Variants in KAZN observed in about 807,000 individuals in gnomAD.
KAZN encodes kazrin, periplakin interacting protein, also known as kazrin.
KAZN carries 40 observed loss-of-function variants against 87.4 expected under a neutral mutation model. The observed-to-expected ratio is 0.46, with a 90% CI of 0.36 to 0.60. KAZN has a LOEUF of 0.60. Among genes scored for constraint, KAZN ranks in the 20% least tolerant of loss-of-function variants. The pLI is 0.00. For missense variants in KAZN, 898 were observed against 1,073.9 expected (o/e 0.84, Z 2.29); for synonymous variants, 466 against 458.3 (o/e 1.02, Z -0.22).
intron 1 of KAZN, among the ~76,000 whole-genome samples, chr1:14,950,917 A>T (rs1171775719): frequency 6.6e-6 from 1 of 152,156 alleles, no homozygotes; most frequent in Non-Finnish European, 1.5e-5. Flanking sequence ...TGAGTCTGGC[A>T]GCAGTACCCA....
intron 2 of KAZN, among the ~76,000 whole-genome samples, chr1:14,399,199 T>C (rs972179310): frequency 2.6e-5 from 4 of 152,034 alleles, no homozygotes; most frequent in African/African-American, 9.7e-5. Context: ...TTATTTTTAG[T>C]GGAGATGAGG....
chr1:14,439,419 C>T (rs879939842), intron 2 of KAZN, among the ~76,000 whole-genome samples: 5 of 152,124 alleles, frequency 3.3e-5, no homozygotes, highest in Non-Finnish European at 5.9e-5. Flanking sequence ...GGAGTTTTTA[C>T]CTACTTAGAC....
chr1:14,233,956 G>A (rs1013861720), intron 2 of KAZN, among the ~76,000 whole-genome samples: 1 of 152,218 alleles, frequency 6.6e-6, no homozygotes, highest in Non-Finnish European at 1.5e-5. Flanking sequence ...TAGTAGGAGT[G>A]TAAATTAGTT....
chr1:14,192,880 G>A (rs1646449980), intron 2 of KAZN, among the ~76,000 whole-genome samples: 1 of 152,132 alleles, frequency 6.6e-6, no homozygotes, highest in African/African-American at 2.4e-5. Flanking sequence ...TGGACATTGG[G>A]TCTTTACAGA....
chr1:14,920,608 A>G (rs1330613512), intron 1 of KAZN, among the ~76,000 whole-genome samples: 1 of 152,138 alleles, frequency 6.6e-6, no homozygotes, highest in African/African-American at 2.4e-5. Context: ...GGGTCTGGGA[A>G]GGTCTCCTGG....
intron 2 of KAZN, among the ~76,000 whole-genome samples, chr1:14,331,287 C>T (rs1292899398): frequency 6.6e-6 from 1 of 152,132 alleles, no homozygotes; most frequent in Non-Finnish European, 1.5e-5. Flanking sequence ...ATAGCCCACC[C>T]CTAGGCTGTG....
intron 1 of KAZN, among the ~76,000 whole-genome samples, chr1:14,121,246 T>C (rs1644745661): frequency 6.6e-6 from 1 of 152,106 alleles, no homozygotes; most frequent in Non-Finnish European, 1.5e-5. Flanking sequence ...CAGGGAAAGG[T>C]GTGATATGCA....
At chr1:14,812,236 C>T (rs978794779) in intron 1 of KAZN, among the ~76,000 whole-genome samples, 1 of 152,202 alleles carries the variant, frequency 6.6e-6, no homozygotes, top group Non-Finnish European at 1.5e-5. Context: ...GACACCCTGC[C>T]TCCAGGTGGA....
intron 2 of KAZN, among the ~76,000 whole-genome samples, chr1:14,266,156 G>C (rs2100665865): frequency 6.6e-6 from 1 of 152,308 alleles, no homozygotes; most frequent in African/African-American, 2.4e-5. Context: ...ATAATAAATT[G>C]TTATAACTCT....
At chr1:14,050,512 T>C (rs1642283330) in intron 1 of KAZN, among the ~76,000 whole-genome samples, 2 of 152,168 alleles carry the variant, frequency 1.3e-5, no homozygotes, top group Admixed American at 6.5e-5. Flanking sequence ...GGAGAGAATA[T>C]GTGACAGTGC....
At chr1:14,319,242 T>C (rs973673158) in intron 2 of KAZN, among the ~76,000 whole-genome samples, 24 of 151,900 alleles carry the variant, frequency 1.6e-4, no homozygotes, top group Non-Finnish European at 2.6e-4. Context: ...ATTAAGGTGG[T>C]TCCAGAGAAG....
chr1:14,051,860 A>AAAC (rs371042781), intron 1 of KAZN, among the ~76,000 whole-genome samples: 2 of 152,120 alleles, frequency 1.3e-5, no homozygotes, highest in African/African-American at 4.8e-5. Context: ...CCAACCAACC[A>AAAC]AACAACAACA....
At chr1:14,108,604 A>G (rs1480549647) in intron 1 of KAZN, among the ~76,000 whole-genome samples, 1 of 152,050 alleles carries the variant, frequency 6.6e-6, no homozygotes, top group Non-Finnish European at 1.5e-5. Flanking sequence ...TGGTCATTCC[A>G]CTTTCCAAAA....
At position 14,352,124 on chromosome 1, in the gene KAZN, A is replaced by G. The variant is rs147773249; in HGVS notation, c.249+171532A>G. Among the ~76,000 whole-genome samples the G allele has an allele frequency of 2.9e-3, 443 of 152,350 alleles. 2 individuals are homozygous for G. The highest frequency in any genetic ancestry group is 9.2e-3 in the African/African-American group (384 of 41,584). On this transcript the variant is annotated intron_variant, in intron 2 of 16. Coordinates refer to the KAZN transcript ENST00000636203. ...ATTTTCAAGTATCAAATCTTTGTAT[A>G]ATGTTATACATCATACAAGTATAAA...
In KAZN at chr1:14,929,705, T is replaced by C. The variant is rs187156364; in HGVS notation, c.227-30979T>C. ...TGTAAACACTCCAGAGAGACAGGCA[T>C]GGTTATAAGGGGTGTGCGGGCGTGG... is the stretch of plus-strand genomic sequence containing the variant. On this transcript the variant is annotated intron_variant, in intron 1 of 14. Coordinates refer to ENST00000376030, the MANE Select transcript of KAZN (RefSeq NM_201628.3). The C allele has an allele frequency of 2.2e-4, 193 of 878,656 alleles. No individual in the cohort carries two copies. In the African/African-American group the frequency reaches 3.4e-3, roughly 15 times the overall value. 54.4% of individuals were successfully genotyped at this position (878,656 alleles called of 1,614,324 possible).
At chr1:14,782,003 A>C (rs1486994622) in intron 1 of KAZN, among the ~76,000 whole-genome samples, 2 of 152,210 alleles carry the variant, frequency 1.3e-5, no homozygotes, top group Admixed American at 6.5e-5. Context: ...CCTGAGCCTC[A>C]GTGTCCTCAT....
intron 2 of KAZN, among the ~76,000 whole-genome samples, chr1:14,417,032 A>ACG (rs1436591474): frequency 6.6e-6 from 1 of 151,750 alleles, no homozygotes; most frequent in East Asian, 1.9e-4. Flanking sequence ...ACACACACAC[A>ACG]CACACACACG....
intron 2 of KAZN, among the ~76,000 whole-genome samples, chr1:14,218,426 A>G (rs1220427711): frequency 6.6e-6 from 1 of 152,140 alleles, no homozygotes; most frequent in Non-Finnish European, 1.5e-5. Flanking sequence ...GAAAACAGCT[A>G]TTCTTGGGAA....
intron 2 of KAZN, among the ~76,000 whole-genome samples, chr1:14,331,894 T>C (rs1052465914): frequency 2.3e-4 from 33 of 145,124 alleles, no homozygotes; most frequent in Admixed American, 1.5e-3. Context: ...TTTATACTTA[T>C]AAAAAGAATA....
Sources: allele counts gnomAD v4.1 joint callset (sites outside exome capture counted in the v4.1 genomes callset), GRCh38; gene constraint gnomAD v4.1.1; transcripts MANE v1.5; gene names NCBI Gene and HGNC (gene_info 2026-07-23, HGNC 2026-07-21).